TAFA2: variants seen among roughly 807,000 people sequenced by gnomAD.
TAFA2 encodes TAFA chemokine like family member 2.
Under a neutral mutation model 18.8 loss-of-function variants are expected in TAFA2, and 7 were observed. The observed-to-expected ratio is 0.37, with a 90% CI of 0.21 to 0.70. The LOEUF (loss-of-function observed/expected upper bound fraction) is 0.70. Ranked by LOEUF, TAFA2 falls within the 30% of genes least tolerant of loss-of-function variation. The probability of loss-of-function intolerance (pLI) is 0.53; values close to 1 mark genes in which losing one functional copy is unlikely to be tolerated. For synonymous variants in TAFA2, 60 were observed against 54.2 expected (o/e 1.11, Z -0.47); for missense variants, 122 against 158.1 (o/e 0.77, Z 1.23).
intron 2 of TAFA2, among the ~76,000 whole-genome samples, chr12:61,792,083 C>T (rs1040508511): frequency 6.6e-6 from 1 of 151,602 alleles, no homozygotes; most frequent in Non-Finnish European, 1.5e-5. Context: ...ATACTGAAGA[C>T]AACTGTGTTA....
At chr12:61,849,780 G>A (rs969631270) in intron 2 of TAFA2, among the ~76,000 whole-genome samples, 11 of 152,030 alleles carry the variant, frequency 7.2e-5, no homozygotes, top group African/African-American at 1.2e-4. Context: ...TTTTTTACAC[G>A]ATGCTTGTGA....
intron 1 of TAFA2, among the ~76,000 whole-genome samples, chr12:62,037,616 T>C (rs1881644438): frequency 2.0e-5 from 3 of 152,184 alleles, no homozygotes; most frequent in South Asian, 4.1e-4. Context: ...TACAGACTTA[T>C]GGAATAAAAC....
At chr12:62,070,175 G>A (rs1443070929) in intron 1 of TAFA2, among the ~76,000 whole-genome samples, 1 of 152,154 alleles carries the variant, frequency 6.6e-6, no homozygotes, top group Non-Finnish European at 1.5e-5. Context: ...TGTCTTGAAT[G>A]AGGTGCAATA....
At chr12:61,710,834 A>T (rs1442020850) in intron 4 of TAFA2, among the ~76,000 whole-genome samples, 1 of 152,122 alleles carries the variant, frequency 6.6e-6, no homozygotes, top group Non-Finnish European at 1.5e-5. Flanking sequence ...GTCACATCAT[A>T]TTCTCAAAAA....
At chr12:62,012,900 C>A (rs1393319548) in intron 1 of TAFA2, among the ~76,000 whole-genome samples, 1 of 152,158 alleles carries the variant, frequency 6.6e-6, no homozygotes, top group African/African-American at 2.4e-5. Context: ...GAAGCACACT[C>A]ATGCTACAGA....
At chr12:62,133,782 G>A (rs1229419343) in intron 1 of TAFA2, among the ~76,000 whole-genome samples, 2 of 152,092 alleles carry the variant, frequency 1.3e-5, no homozygotes, top group Admixed American at 6.6e-5. Flanking sequence ...ATATTAGTTA[G>A]TTGAATGAAT....
chr12:62,203,761 A>G (rs963693993), intron 1 of TAFA2, among the ~76,000 whole-genome samples: 3 of 152,092 alleles, frequency 2.0e-5, no homozygotes, highest in Non-Finnish European at 4.4e-5. Context: ...TGAATACAAC[A>G]TACCAATGGG....
chr12:62,258,003 G>A (rs2062948730), intron 1 of TAFA2, among the ~76,000 whole-genome samples: 1 of 152,122 alleles, frequency 6.6e-6, no homozygotes, highest in Non-Finnish European at 1.5e-5. Context: ...AAGGTCAATA[G>A]AAAAATTGAA....
intron 1 of TAFA2, among the ~76,000 whole-genome samples, chr12:61,929,159 T>TAA (rs57143585): frequency 3.6e-4 from 48 of 134,766 alleles, no homozygotes; most frequent in African/African-American, 1.2e-3. Flanking sequence ...AAGTATAATT[T>TAA]AAAAAAAAAA....
At chr12:61,858,650 T>C (rs539749714) in intron 2 of TAFA2, among the ~76,000 whole-genome samples, 5 of 152,250 alleles carry the variant, frequency 3.3e-5, no homozygotes, top group African/African-American at 1.2e-4. Flanking sequence ...TTTCTGGATA[T>C]TTTTAGATAC....
intron 1 of TAFA2, among the ~76,000 whole-genome samples, chr12:61,904,923 C>T (rs1876278469): frequency 6.6e-6 from 1 of 152,132 alleles, no homozygotes. Context: ...CAAAAATCTA[C>T]TGTGTTGATT....
chr12:61,934,771 A>G (rs563822296), intron 1 of TAFA2, among the ~76,000 whole-genome samples: 3 of 152,194 alleles, frequency 2.0e-5, no homozygotes, highest in South Asian at 2.1e-4. Flanking sequence ...GTCTCTCTCT[A>G]TGTTTATCAC....
chr12:61,936,378 C>T (rs944304476), intron 1 of TAFA2, among the ~76,000 whole-genome samples: 1 of 152,120 alleles, frequency 6.6e-6, no homozygotes, highest in Non-Finnish European at 1.5e-5. Context: ...ACCAGCCTCA[C>T]CAACATGGTG....
intron 1 of TAFA2, among the ~76,000 whole-genome samples, chr12:61,918,592 T>C: frequency 6.6e-6 from 1 of 152,216 alleles, no homozygotes; most frequent in East Asian, 1.9e-4. Context: ...ATTGTGGCTA[T>C]TGTGAATAGT....
At chr12:62,023,362 TA>T (rs2136733420) in intron 1 of TAFA2, among the ~76,000 whole-genome samples, 1 of 152,326 alleles carries the variant, frequency 6.6e-6, no homozygotes, top group African/African-American at 2.4e-5. Context: ...TACATCTAAA[TA>T]TTTTTTCTGT....
At chr12:62,200,484 A>G (rs907486910) in intron 1 of TAFA2, among the ~76,000 whole-genome samples, 15 of 152,250 alleles carry the variant, frequency 9.9e-5, no homozygotes, top group Admixed American at 7.9e-4. Flanking sequence ...CTAGCCAGTT[A>G]TCCCAGCACA....
At chr12:61,905,360 T>G (rs1876300896) in intron 1 of TAFA2, among the ~76,000 whole-genome samples, 1 of 152,152 alleles carries the variant, frequency 6.6e-6, no homozygotes, top group African/African-American at 2.4e-5. Context: ...CTTTTGAAAC[T>G]ATAGTTCAAT....
At chr12:62,245,140 T>C (rs951458037) in intron 1 of TAFA2, among the ~76,000 whole-genome samples, 1 of 152,138 alleles carries the variant, frequency 6.6e-6, no homozygotes, top group Non-Finnish European at 1.5e-5. Context: ...AAGTTGTTTT[T>C]ACATCTGGAA....
At chr12:62,118,742 T>C (rs1363750519) in intron 1 of TAFA2, among the ~76,000 whole-genome samples, 1 of 152,128 alleles carries the variant, frequency 6.6e-6, no homozygotes, top group Non-Finnish European at 1.5e-5. Context: ...AATAAACATC[T>C]CTTCATATGT....
Sources: allele counts gnomAD v4.1 joint callset (sites outside exome capture counted in the v4.1 genomes callset), GRCh38; gene constraint gnomAD v4.1.1; transcripts MANE v1.5; gene names NCBI Gene and HGNC (gene_info 2026-07-23, HGNC 2026-07-21).